Variants in PAH observed in about 807,000 individuals in gnomAD.
The protein encoded by PAH is phenylalanine hydroxylase.
In PAH, 64 loss-of-function variants were observed where a neutral mutation model predicts 62.0. The observed-to-expected ratio is 1.03, with a 90% CI of 0.84 to 1.27. The LOEUF (loss-of-function observed/expected upper bound fraction) is 1.27. Among genes scored for constraint, PAH ranks in the 50% most tolerant of loss-of-function variants. The pLI is 0.00. For missense variants in PAH, 579 were observed against 542.8 expected, an observed-to-expected ratio of 1.07 and a Z score of -0.66; for synonymous variants, 195 against 196.2, an observed-to-expected ratio of 0.99 and a Z score of 0.05.
intron 6 of PAH, chr12:102,853,353 A>T: frequency 5.9e-5 from 19 of 322,188 alleles, no homozygotes; most frequent in South Asian, 1.6e-4. Flanking sequence ...TTTGAACCTC[A>T]TTTCCCAGAA....
Position 102,866,604 on chromosome 12 carries a change from G to C in PAH, c.501C>G (p.Asn167Lys), listed in dbSNP as rs1033868455. The C allele has an allele frequency of 1.2e-6, 2 of 1,613,230 alleles. No individual in the cohort carries two copies. The highest frequency in any genetic ancestry group is 2.7e-5 in the African/African-American group (2 of 74,878). The change falls in exon 5 of 13, where the codon AAC becomes AAG. Residue 167 changes from asparagine to lysine, a missense_variant. Coordinates refer to ENST00000553106, the MANE Select transcript of PAH (RefSeq NM_000277.3). Reference sequence around the variant, plus strand: ...AAGCAAGGCAGACTTACTGGCGGTAGTTGTAGGCAATGTCAGCAAACTGCT... The same window carrying C: ...AAGCAAGGCAGACTTACTGGCGGTACTTGTAGGCAATGTCAGCAAACTGCT... ...RRKQFADIAY[N>K]YRHGQPIPRV...
intron 4 of PAH, among the ~76,000 whole-genome samples, chr12:102,869,317 T>C (rs2136668558): frequency 6.6e-6 from 1 of 152,308 alleles, no homozygotes; most frequent in East Asian, 1.9e-4. Context: ...AATTATGTCA[T>C]ATATCAATTA....
chr12:102,957,197 T>A lies in PAH; in HGVS notation c.-96+998A>T, dbSNP rs1879942482. 2.0e-5 allele frequency among the ~76,000 whole-genome samples: 3 copies of A among 152,024 alleles called. No homozygotes were observed. The highest frequency in any genetic ancestry group is 7.2e-5 in the African/African-American group (3 of 41,418). On this transcript the variant is annotated intron_variant, in intron 1 of 4. Coordinates refer to the PAH transcript ENST00000551337. The surrounding 1 kb of genome is among the most constrained non-coding windows in gnomAD (Gnocchi z 4.1). ...CCACTCCCTCCTCACCTCCACACCGTTCCTGTGCCATTTTTTCTGCCCAAA... is the reference window on the plus strand; with the variant it reads ...CCACTCCCTCCTCACCTCCACACCGATCCTGTGCCATTTTTTCTGCCCAAA...
intron 2 of PAH, among the ~76,000 whole-genome samples, chr12:102,907,398 A>C (rs75859877): frequency 0.11 from 16,094 of 152,160 alleles, 988 homozygotes; most frequent in Non-Finnish European, 0.14. Context: ...TGCCATTTCC[A>C]CTGCACATTA....
At chr12:102,870,272 T>A (rs939335058) in intron 4 of PAH, among the ~76,000 whole-genome samples, 1 of 152,216 alleles carries the variant, frequency 6.6e-6, no homozygotes, top group Non-Finnish European at 1.5e-5. Context: ...AAGTGCTCTC[T>A]TTAGGCTAGT....
At chr12:102,935,861 T>C (rs1879082983) in intron 1 of PAH, among the ~76,000 whole-genome samples, 1 of 152,012 alleles carries the variant, frequency 6.6e-6, no homozygotes, top group Admixed American at 6.6e-5. Flanking sequence ...TGTTGATCTG[T>C]TGTATTGTTT....
chr12:102,874,802 C>T (rs1038063102), intron 4 of PAH, among the ~76,000 whole-genome samples: 1 of 152,210 alleles, frequency 6.6e-6, no homozygotes, highest in Non-Finnish European at 1.5e-5. Flanking sequence ...GCCATTTTCC[C>T]TCTGTCTTGG....
intron 1 of PAH, among the ~76,000 whole-genome samples, chr12:102,922,869 T>A (rs1429207339): frequency 6.6e-6 from 1 of 152,220 alleles, no homozygotes. Context: ...TGGAATGTTT[T>A]GATAGTGAAA....
At chr12:102,878,547 G>C (rs1346673961) in intron 3 of PAH, among the ~76,000 whole-genome samples, 7 of 151,998 alleles carry the variant, frequency 4.6e-5, no homozygotes, top group Non-Finnish European at 1.0e-4. Flanking sequence ...ACAGAGACAA[G>C]GGCATTTTGG....
chr12:102,879,416 C>A (rs937474), intron 3 of PAH, among the ~76,000 whole-genome samples: 1 of 150,894 alleles, frequency 6.6e-6, no homozygotes, highest in Admixed American at 6.6e-5. Flanking sequence ...GGGAAATTCC[C>A]TCCGTGATCT....
At chr12:102,925,811 G>A (rs866070297) in intron 1 of PAH, among the ~76,000 whole-genome samples, 3 of 152,030 alleles carry the variant, frequency 2.0e-5, no homozygotes, top group African/African-American at 7.2e-5. Flanking sequence ...GCTATTCCAG[G>A]AATTCTTAGC....
At chr12:102,855,405 G>C in intron 5 of PAH, 73 bp from the exon 6 acceptor site, 2 of 1,190,612 alleles carry the variant, frequency 1.7e-6, no homozygotes, top group Non-Finnish European at 2.5e-6. Context: ...GGTTAGCAGA[G>C]GGAGTCGGGG....
chr12:102,855,616 A>G (rs1875391080), intron 5 of PAH, among the ~76,000 whole-genome samples: 1 of 152,104 alleles, frequency 6.6e-6, no homozygotes, highest in Non-Finnish European at 1.5e-5. Context: ...TACTCTTCTA[A>G]TTCTCTAATT....
chr12:102,908,035 CA>C (rs1878047642), intron 2 of PAH, among the ~76,000 whole-genome samples: 2 of 151,938 alleles, frequency 1.3e-5, no homozygotes, highest in South Asian at 4.2e-4. Flanking sequence ...AAAAAAAAAT[CA>C]ATACTCACTA....
intron 1 of PAH, chr12:102,945,966 G>C (rs1879478132): frequency 2.6e-5 from 4 of 152,188 alleles, no homozygotes; most frequent in Admixed American, 2.0e-4. Flanking sequence ...TGATCATTCA[G>C]GGCCCAAAGG....
intron 3 of PAH, among the ~76,000 whole-genome samples, chr12:102,879,762 A>G (rs1353505406): frequency 1.3e-5 from 2 of 152,188 alleles, no homozygotes; most frequent in African/African-American, 4.8e-5. Flanking sequence ...TTGATCGTCA[A>G]TGCATCTTGC....
intron 2 of PAH, among the ~76,000 whole-genome samples, chr12:102,902,337 G>C (rs1877795309): frequency 6.6e-6 from 1 of 152,164 alleles, no homozygotes; most frequent in Non-Finnish European, 1.5e-5. Context: ...CCTGAACTTT[G>C]TTTGGTTTTC....
intron 2 of PAH, among the ~76,000 whole-genome samples, chr12:102,901,210 C>T (rs1382872428): frequency 2.0e-5 from 3 of 152,102 alleles, no homozygotes; most frequent in African/African-American, 7.2e-5. Flanking sequence ...GCCCCGTCTC[C>T]TCCTCCTCCT....
rs900974147 is a variant in PAH at position 102,838,396 on chromosome 12, G to T, written c.*779C>A. 6.6e-6 allele frequency: 1 copy of T among 152,070 alleles called. No homozygotes were observed. Among genetic ancestry groups the T allele is most frequent in the Non-Finnish European group, 1.5e-5 (1 of 68,018 alleles). 9.4% of individuals were successfully genotyped at this position (152,070 alleles called of 1,614,324 possible). ...TTATACAGATTTGCTTTTCAATAATGTATTTACTTATTTATTCAGTGAACA... is the reference window on the plus strand; with the variant it reads ...TTATACAGATTTGCTTTTCAATAATTTATTTACTTATTTATTCAGTGAACA... On this transcript the variant is annotated 3_prime_UTR_variant, in exon 13 of 13. Transcript: ENST00000553106.
Sources: allele counts gnomAD v4.1 joint callset (sites outside exome capture counted in the v4.1 genomes callset), GRCh38; gene constraint gnomAD v4.1.1; non-coding constraint Gnocchi (gnomAD v3.1); transcripts MANE v1.5; gene names NCBI Gene and HGNC (gene_info 2026-07-23, HGNC 2026-07-21).